ST7L: variants seen among roughly 807,000 people sequenced by gnomAD.
ST7L encodes the protein suppressor of tumorigenicity 7 protein-like.
Under a neutral mutation model 72.5 loss-of-function variants are expected in ST7L, and 57 were observed. That is an observed-to-expected ratio of 0.79 (90% confidence interval 0.64 to 0.98). ST7L has a LOEUF of 0.98. Among genes scored for constraint, ST7L ranks in the 50% least tolerant of loss-of-function variants. ST7L has a pLI of 0.00. For synonymous variants in ST7L, 221 were observed against 240.9 expected (o/e 0.92, Z 0.77); for missense variants, 576 against 672.2 (o/e 0.86, Z 1.58).
At chr1:112,520,717 A>T (rs1652826113), downstream of ST7L, 1 of 601,412 alleles carries the variant, frequency 1.7e-6, no homozygotes, top group Admixed American at 3.0e-5. Context: ...AAACTGAGCA[A>T]GCTCCCTGAT....
At chr1:112,538,744 T>C (rs1463723236) in intron 14 of ST7L, among the ~76,000 whole-genome samples, 3 of 152,196 alleles carry the variant, frequency 2.0e-5, no homozygotes, top group Non-Finnish European at 2.9e-5. Context: ...ATATCTCCTT[T>C]AAACAAGAAG....
intron 13 of ST7L, among the ~76,000 whole-genome samples, chr1:112,542,314 C>T (rs111858999): frequency 2.0e-5 from 3 of 152,116 alleles, no homozygotes; most frequent in African/African-American, 4.8e-5. Context: ...AACAGGATGG[C>T]GTCATGGGAA....
upstream of ST7L, chr1:112,619,395 A>AC: frequency 1.9e-6 from 1 of 537,496 alleles, no homozygotes; most frequent in Non-Finnish European, 3.3e-6. Flanking sequence ...AATGAGGGTC[A>AC]CCTTTCACAC....
At chr1:112,608,974 C>T (rs1170420869) in intron 3 of ST7L, among the ~76,000 whole-genome samples, 1 of 152,124 alleles carries the variant, frequency 6.6e-6, no homozygotes, top group Non-Finnish European at 1.5e-5. Flanking sequence ...GGAATTAACT[C>T]ATTTGTATTA....
At chr1:112,552,420 T>C (rs1658368486) in intron 12 of ST7L, among the ~76,000 whole-genome samples, 1 of 152,216 alleles carries the variant, frequency 6.6e-6, no homozygotes, top group Non-Finnish European at 1.5e-5. Context: ...TATTTATTTA[T>C]TGAGACAGAG....
At chr1:112,602,015 C>T (rs1027291472) in intron 3 of ST7L, among the ~76,000 whole-genome samples, 1 of 142,218 alleles carries the variant, frequency 7.0e-6, no homozygotes, top group African/African-American at 2.6e-5. Flanking sequence ...ACCTGGGAGG[C>T]GGAGGTTGCA....
intron 7 of ST7L, among the ~76,000 whole-genome samples, chr1:112,583,448 C>A (rs1448810908): frequency 6.6e-6 from 1 of 152,138 alleles, no homozygotes; most frequent in African/African-American, 2.4e-5. Flanking sequence ...TCAAGCACAT[C>A]ATGGAGAAAA....
At chr1:112,578,442 G>A in intron 9 of ST7L, 25 bp from the exon 10 acceptor site, 1 of 1,607,060 alleles carries the variant, frequency 6.2e-7, no homozygotes, top group Non-Finnish European at 8.5e-7. Context: ...TTCAATTTAG[G>A]TAGGAATTAC....
intron 6 of ST7L, among the ~76,000 whole-genome samples, chr1:112,584,722 A>G (rs1264427952): frequency 6.6e-6 from 1 of 152,162 alleles, no homozygotes; most frequent in Non-Finnish European, 1.5e-5. Flanking sequence ...TCCTGATCTC[A>G]GGTGATCCAC....
intron 13 of ST7L, among the ~76,000 whole-genome samples, chr1:112,548,999 TTGTGTGTGTGTG>T (rs71081247): frequency 2.0e-5 from 3 of 148,812 alleles, no homozygotes; most frequent in Non-Finnish European, 4.5e-5. Context: ...GCTTGTTACT[TTGTGTGTGTGTG>T]TGTGTGTGTG....
At chr1:112,569,153 C>T (rs1319974415) in intron 11 of ST7L, among the ~76,000 whole-genome samples, 3 of 152,056 alleles carry the variant, frequency 2.0e-5, no homozygotes, top group African/African-American at 7.2e-5. Flanking sequence ...CTCTGCAAAA[C>T]AGTTTGGCAG....
At chr1:112,608,760 A>C (rs944399758) in intron 3 of ST7L, among the ~76,000 whole-genome samples, 2 of 152,168 alleles carry the variant, frequency 1.3e-5, no homozygotes, top group Non-Finnish European at 2.9e-5. Flanking sequence ...AATGACCATT[A>C]TTCCTTCTTG....
chr1:112,547,554 T>C (rs986662931), intron 13 of ST7L, among the ~76,000 whole-genome samples: 5 of 147,144 alleles, frequency 3.4e-5, no homozygotes, highest in African/African-American at 1.3e-4. Flanking sequence ...TCTGTCATCT[T>C]TGTCATCTTT....
At chr1:112,528,941 C>T (rs1478557269) in intron 14 of ST7L, 4 of 152,190 alleles carry the variant, frequency 2.6e-5, no homozygotes, top group Non-Finnish European at 5.9e-5. Context: ...GAGACAAATT[C>T]TAACTTCATG....
chr1:112,542,776 TAAATAA>T, intron 13 of ST7L, among the ~76,000 whole-genome samples: 1 of 150,840 alleles, frequency 6.6e-6, no homozygotes, highest in South Asian at 2.1e-4. Context: ...AATAAATAAA[TAAATAA>T]ATAAATACAT....
chr1:112,574,327 CT>C (rs1662698793), intron 11 of ST7L, among the ~76,000 whole-genome samples: 1 of 150,966 alleles, frequency 6.6e-6, no homozygotes, highest in East Asian at 2.0e-4. Context: ...AGCAATTCTC[CT>C]GCCTCAGCCT....
At position 112,589,246 on chromosome 1, in the gene ST7L, A is replaced by C. The variant is rs191069235; in HGVS notation, c.701+2279T>G. Reference sequence around the variant, plus strand: ...AGGCTTCACAGGGGCAGTTTCTATTAATTTCTTTTCTTTTTATTTATTTTT... The same window carrying C: ...AGGCTTCACAGGGGCAGTTTCTATTCATTTCTTTTCTTTTTATTTATTTTT... On this transcript the variant is annotated intron_variant, in intron 6 of 14. Coordinates refer to ENST00000358039, the MANE Select transcript of ST7L (RefSeq NM_017744.5). Among the ~76,000 whole-genome samples, 464 of 151,854 alleles carry C rather than the reference A, an allele frequency of 3.1e-3. 4 individuals are homozygous for C. The highest frequency in any genetic ancestry group is 0.011 in the African/African-American group (436 of 41,446).
At position 112,552,603 on chromosome 1, in the gene ST7L, C is replaced by T. The variant is rs60208538; in HGVS notation, c.1397-1910G>A. ...ATTTTTAGTAGAGACGGGGTTTCTC[C>T]ATGTTGGTCAGGCTGGTTTCGAACT... On this transcript the variant is annotated intron_variant, in intron 12 of 14. Transcript: ENST00000358039. Among the ~76,000 whole-genome samples the T allele has an allele frequency of 2.7e-3, 408 of 152,214 alleles. 2 individuals are homozygous for T. Among genetic ancestry groups the T allele is most frequent in the African/African-American group, 9.5e-3 (394 of 41,554 alleles).
In ST7L at chr1:112,619,048, G is replaced by A. The variant is rs1487963722; in HGVS notation, c.66C>T (p.Gly22=). Residue 22 remains glycine (G), a synonymous_variant, in exon 1 of 15, where the codon GGC becomes GGT. Transcript: ENST00000358039. The part of the protein sequence containing the change: ...AVGASPASVP[G]LNPTLGWRER... ...CCCTCCAGCCTAGCGTCGGGTTTAG[G>A]CCAGGGACAGATGCAGGAGACGCTC... 1 of 1,613,852 alleles carries A rather than the reference G, an allele frequency of 6.2e-7. No individual in the cohort carries two copies. Among genetic ancestry groups the A allele is most frequent in the African/African-American group, 1.3e-5 (1 of 74,930 alleles).
Sources: gnomAD v4.1 joint callset for allele counts (sites outside exome capture counted in the v4.1 genomes callset) on GRCh38, gnomAD v4.1.1 for gene constraint, MANE v1.5 for transcripts, NCBI Gene and HGNC (gene_info 2026-07-23, HGNC 2026-07-21) for gene names.